The following ZNF609 variants were observed in gnomAD, a reference collection of about 807,000 sequenced individuals.
The protein encoded by ZNF609 is zinc finger protein 609.
In ZNF609, 11 loss-of-function variants were observed where a neutral mutation model predicts 109.5. The observed-to-expected ratio is 0.10, with a 90% CI of 0.06 to 0.17. The LOEUF is 0.17. Among genes scored for constraint, ZNF609 ranks in the 10% least tolerant of loss-of-function variants. The pLI, the probability that ZNF609 is intolerant of heterozygous loss-of-function variation, is 1.00. For synonymous variants in ZNF609, 646 were observed against 662.0 expected (o/e 0.98, Z 0.37); for missense variants, 1,559 against 1,772.4 (o/e 0.88, Z 2.16).
intron 2 of ZNF609, among the ~76,000 whole-genome samples, chr15:64,614,606 A>C (rs1394869768): frequency 6.6e-6 from 1 of 152,118 alleles, no homozygotes; most frequent in African/African-American, 2.4e-5. Context: ...CCATTCTTTT[A>C]AATAACCCAC....
At chr15:64,645,134 A>C (rs1166427430) in intron 3 of ZNF609, among the ~76,000 whole-genome samples, 1 of 70,306 alleles carries the variant, frequency 1.4e-5, no homozygotes, top group Non-Finnish European at 2.7e-5. Flanking sequence ...TTCCTTCCTC[A>C]GGCTGGAGTA....
At chr15:64,680,079 C>T in intron 6 of ZNF609, 106 bp from the exon 7 acceptor site, 1 of 1,229,480 alleles carries the variant, frequency 8.1e-7, no homozygotes, top group Non-Finnish European at 1.2e-6. Context: ...TAGAAAATAC[C>T]TCAGCCTGTG....
chr15:64,500,381 C>T, intron 2 of ZNF609: 1 of 774,076 alleles, frequency 1.3e-6, no homozygotes, highest in South Asian at 1.5e-5. Flanking sequence ...CATTGTGGAA[C>T]AGGATATTTG....
At chr15:64,615,487 C>T (rs550370772) in intron 2 of ZNF609, among the ~76,000 whole-genome samples, 1 of 149,776 alleles carries the variant, frequency 6.7e-6, no homozygotes, top group Non-Finnish European at 1.5e-5. Flanking sequence ...TTGATGACAT[C>T]CTTTTTTTTT....
At chr15:64,566,463 ACT>A (rs1202179673) in intron 2 of ZNF609, among the ~76,000 whole-genome samples, 4 of 152,186 alleles carry the variant, frequency 2.6e-5, no homozygotes, top group Admixed American at 6.5e-5. Flanking sequence ...TAAAGGAGAC[ACT>A]CTGTGTAGGT....
intron 2 of ZNF609, among the ~76,000 whole-genome samples, chr15:64,607,149 A>G (rs1206859289): frequency 2.8e-5 from 4 of 145,102 alleles, no homozygotes; most frequent in African/African-American, 1.0e-4. Context: ...CATAAAAAAA[A>G]TAAATAAATA....
intron 2 of ZNF609, among the ~76,000 whole-genome samples, chr15:64,598,847 A>G (rs1895445143): frequency 7.0e-6 from 1 of 143,156 alleles, no homozygotes; most frequent in Non-Finnish European, 1.5e-5. Flanking sequence ...GAACATGTGC[A>G]TTTTATATTT....
intron 2 of ZNF609, among the ~76,000 whole-genome samples, chr15:64,525,661 G>A (rs1481774582): frequency 6.6e-6 from 1 of 152,146 alleles, no homozygotes; most frequent in African/African-American, 2.4e-5. Flanking sequence ...AGTTTGGAGA[G>A]TTCTGCAATC....
intron 1 of ZNF609, among the ~76,000 whole-genome samples, 168 bp downstream of exon 1, chr15:64,461,006 G>C (rs1238876830): frequency 8.4e-6 from 1 of 119,676 alleles, no homozygotes; most frequent in Non-Finnish European, 1.8e-5. Flanking sequence ...AGGTGTGTAG[G>C]GGGGGTCGTT....
At position 64,680,805 on chromosome 15, in the gene ZNF609, C is replaced by T. The variant is rs1310562670; in HGVS notation, c.4105C>T (p.His1369Tyr). 6.2e-7 allele frequency: 1 copy of T among 1,613,504 alleles called. No individual in the cohort carries two copies. Among genetic ancestry groups the T allele is most frequent in the Non-Finnish European group, 8.5e-7 (1 of 1,180,006 alleles). The change falls in exon 8 of 10, where the codon CAC becomes TAC. Residue 1369 changes from histidine (H) to tyrosine (Y), a missense_variant. His to Tyr is a moderately conservative substitution (Grantham distance 83). This residue lies in a region of ZNF609 where 1,204 missense variants were observed against 1,314.1 expected (regional missense o/e 0.92). Transcript: ENST00000326648. Reference protein sequence around the residue: ...SQRLMSTHHHHHHLGYSLLPA... With the variant: ...SQRLMSTHHHYHHLGYSLLPA... ...GCGCCTGATGTCCACACACCACCACCACCACCACTTGGGGTACTCATTGCT... is the reference window on the plus strand; with the variant it reads ...GCGCCTGATGTCCACACACCACCACTACCACCACTTGGGGTACTCATTGCT...
At chr15:64,479,296 T>TTC (rs948859338) in intron 1 of ZNF609, among the ~76,000 whole-genome samples, 1 of 134,794 alleles carries the variant, frequency 7.4e-6, no homozygotes, top group African/African-American at 2.8e-5. Flanking sequence ...TTTTTTTTTT[T>TTC]TTTTTTTTTT....
chr15:64,551,840 A>G (rs1894482075), intron 2 of ZNF609, among the ~76,000 whole-genome samples: 1 of 149,080 alleles, frequency 6.7e-6, no homozygotes, highest in Non-Finnish European at 1.5e-5. Flanking sequence ...TACAAAAATT[A>G]GCCAGGCGTG....
At chr15:64,665,397 A>T (rs1280610531) in intron 3 of ZNF609, among the ~76,000 whole-genome samples, 1 of 152,184 alleles carries the variant, frequency 6.6e-6, no homozygotes, top group East Asian at 1.9e-4. Flanking sequence ...TTTGCAAAGT[A>T]GCCTTAACAA....
intron 2 of ZNF609, among the ~76,000 whole-genome samples, chr15:64,601,168 A>C (rs1344319258): frequency 6.6e-6 from 1 of 152,212 alleles, no homozygotes; most frequent in African/African-American, 2.4e-5. Context: ...TTTATTTTAC[A>C]ATAAAGCCCT....
At chr15:64,525,765 T>C (rs1435109714) in intron 2 of ZNF609, among the ~76,000 whole-genome samples, 1 of 152,060 alleles carries the variant, frequency 6.6e-6, no homozygotes, top group East Asian at 1.9e-4. Context: ...TTTGTGGTTT[T>C]AGTGTACAAA....
At chr15:64,657,484 C>T (rs1181034371) in intron 3 of ZNF609, among the ~76,000 whole-genome samples, 1 of 151,692 alleles carries the variant, frequency 6.6e-6, no homozygotes, top group Admixed American at 6.6e-5. Flanking sequence ...CATGGTGGTG[C>T]GTGCATGTAG....
chr15:64,509,663 T>A (rs1468497350), intron 2 of ZNF609, among the ~76,000 whole-genome samples: 1 of 152,246 alleles, frequency 6.6e-6, no homozygotes, highest in Non-Finnish European at 1.5e-5. Context: ...TTTGGAAGTG[T>A]GTGTTGGACT....
At chr15:64,532,411 T>C (rs894019661) in intron 2 of ZNF609, among the ~76,000 whole-genome samples, 2 of 152,240 alleles carry the variant, frequency 1.3e-5, no homozygotes, top group Non-Finnish European at 2.9e-5. Flanking sequence ...AATCTTTGTT[T>C]CTCAAGCACC....
intron 3 of ZNF609, chr15:64,631,446 G>A: frequency 1.4e-6 from 1 of 732,252 alleles, no homozygotes; most frequent in Admixed American, 1.7e-5. Flanking sequence ...ATTCCTTTTT[G>A]AACAGTACCC....
Sources: gnomAD v4.1 joint callset for allele counts (sites outside exome capture counted in the v4.1 genomes callset) on GRCh38, gnomAD v4.1.1 for gene constraint, gnomAD v4.1.1 regional missense constraint, MANE v1.5 for transcripts, NCBI Gene and HGNC (gene_info 2026-07-23, HGNC 2026-07-21) for gene names.